PATJ: variants seen among roughly 807,000 people sequenced by gnomAD.
PATJ encodes the protein PATJ crumbs cell polarity complex component, also known as inaD-like protein.
A neutral mutation model predicts 224.9 loss-of-function variants in PATJ; 190 were observed. The ratio of observed to expected loss-of-function variants is 0.84; its 90% CI spans 0.75 to 0.95. The LOEUF (loss-of-function observed/expected upper bound fraction) is 0.95. Among genes scored for constraint, PATJ ranks in the 40% least tolerant of loss-of-function variants. PATJ has a pLI of 0.00. For missense variants in PATJ, 2,121 were observed against 2,270.3 expected, an observed-to-expected ratio of 0.93 and a Z score of 1.34; for synonymous variants, 769 against 820.3, an observed-to-expected ratio of 0.94 and a Z score of 1.07.
At chr1:61,889,899 T>C (rs577347445) in intron 22 of PATJ, among the ~76,000 whole-genome samples, 1 of 152,356 alleles carries the variant, frequency 6.6e-6, no homozygotes, top group South Asian at 2.1e-4. Flanking sequence ...AGGGGACTAC[T>C]GTATCCTTCT....
At chr1:62,132,922 A>G (rs1044502272) in intron 41 of PATJ, among the ~76,000 whole-genome samples, 1 of 152,094 alleles carries the variant, frequency 6.6e-6, no homozygotes, top group Admixed American at 6.6e-5. Context: ...AAAAAAAATT[A>G]CATAAGTAAG....
At position 61,998,004 on chromosome 1, in the gene PATJ, T is replaced by TATATATATA. The variant is rs1342142560; in HGVS notation, c.3867+7640_3867+7641insATATATATA. Among the ~76,000 whole-genome samples, 76 of 104,628 alleles carry TATATATATA rather than the reference T, an allele frequency of 7.3e-4. 4 individuals are homozygous for TATATATATA. The highest frequency in any genetic ancestry group is 3.5e-3 in the African/African-American group (74 of 21,124). The allele number at this position is 104,628 out of a possible 152,430, so 68.6% of individuals were successfully genotyped here. On this transcript the variant is annotated intron_variant, in intron 28 of 43. Transcript: ENST00000642238. ...AGCTTATATATGTATATATAATATA[T>TATATATATA]TATATATATTAATTATATATAATAT...
intron 29 of PATJ, among the ~76,000 whole-genome samples, chr1:62,030,167 C>T (rs1007220386): frequency 2.0e-5 from 3 of 152,054 alleles, no homozygotes; most frequent in African/African-American, 2.4e-5. Context: ...TTAGACTCAG[C>T]GGTGTTTTAA....
chr1:61,902,226 G>A (rs1671278404), intron 24 of PATJ, among the ~76,000 whole-genome samples: 1 of 143,976 alleles, frequency 6.9e-6, no homozygotes, highest in Non-Finnish European at 1.5e-5. Context: ...CTCAAAGCAG[G>A]AAAAAAAAAA....
chr1:61,743,119 C>T (rs1035449714), intron 1 of PATJ, among the ~76,000 whole-genome samples: 1 of 152,304 alleles, frequency 6.6e-6, no homozygotes, highest in Admixed American at 6.5e-5. Flanking sequence ...GGCCCGGCCG[C>T]GTCGCGGCGC....
intron 17 of PATJ, among the ~76,000 whole-genome samples, chr1:61,844,081 T>G (rs1570846120): frequency 6.6e-6 from 1 of 152,188 alleles, no homozygotes; most frequent in Non-Finnish European, 1.5e-5. Flanking sequence ...AAGCATATAT[T>G]ACAACAGAAT....
intron 1 of PATJ, among the ~76,000 whole-genome samples, chr1:61,748,707 AG>A: frequency 6.6e-6 from 1 of 152,266 alleles, no homozygotes; most frequent in East Asian, 1.9e-4. Context: ...TTTAATTATT[AG>A]CTTTTGCAGT....
chr1:61,759,172 T>C (rs1557590821), intron 1 of PATJ, among the ~76,000 whole-genome samples: 1 of 152,230 alleles, frequency 6.6e-6, no homozygotes, highest in African/African-American at 2.4e-5. Context: ...CACAAATTCA[T>C]AAACTTTCTT....
intron 33 of PATJ, among the ~76,000 whole-genome samples, chr1:62,098,584 G>GGATA (rs1661698893): frequency 6.9e-6 from 1 of 145,280 alleles, no homozygotes; most frequent in Admixed American, 7.1e-5. Flanking sequence ...AACGGAGTGA[G>GGATA]ACCGTGTCTC....
chr1:61,797,355 G>A lies in PATJ; in HGVS notation c.1329G>A (p.Gln443=). The change falls in exon 11 of 44, where the codon CAG becomes CAA. Residue 443 remains glutamine (Q), a synonymous_variant. Coordinates refer to ENST00000642238, the MANE Select transcript of PATJ (RefSeq NM_001350145.3). ...DVVEVLRNAG[Q]VVHLTLVRRK... ...TTGAAGTATTACGAAATGCAGGGCA[G>A]GTGGTACACCTAACCCTAGTTCGAA... The A allele has an allele frequency of 6.2e-7, 1 of 1,613,964 alleles. No individual in the cohort carries two copies. The highest frequency in any genetic ancestry group is 2.2e-5 in the East Asian group (1 of 44,878).
intron 17 of PATJ, among the ~76,000 whole-genome samples, chr1:61,854,972 G>A (rs1375061371): frequency 2.6e-5 from 4 of 152,022 alleles, no homozygotes; most frequent in Admixed American, 2.6e-4. Context: ...TGACCTAAGG[G>A]TACTATATCA....
intron 27 of PATJ, among the ~76,000 whole-genome samples, chr1:61,941,104 G>T (rs912435348): frequency 6.6e-6 from 1 of 152,152 alleles, no homozygotes; most frequent in Non-Finnish European, 1.5e-5. Flanking sequence ...ATGCTGTAGG[G>T]TTGACATTTT....
chr1:61,787,946 A>G lies in PATJ; in HGVS notation c.1042A>G (p.Thr348Ala), dbSNP rs746699072. The change falls in exon 8 of 44, where the codon ACT becomes GCT. Residue 348 changes from threonine to alanine, a missense_variant. Transcript: ENST00000642238. ...APAALPVALP[T>A]VASKGPGSDS... ...TGCAGCCTTACCTGTTGCCCTGCCTACTGTAGCCAGCAAGGGCCCTGGTTC... is the reference window on the plus strand; with the variant it reads ...TGCAGCCTTACCTGTTGCCCTGCCTGCTGTAGCCAGCAAGGGCCCTGGTTC... 6.2e-7 allele frequency: 1 copy of G among 1,613,492 alleles called. No individual in the cohort carries two copies. Among genetic ancestry groups the G allele is most frequent in the South Asian group, 1.1e-5 (1 of 91,048 alleles).
chr1:62,042,637 T>C (rs1651731922), intron 30 of PATJ, among the ~76,000 whole-genome samples: 1 of 152,150 alleles, frequency 6.6e-6, no homozygotes, highest in African/African-American at 2.4e-5. Flanking sequence ...GTTCAGCAAA[T>C]GCTTATTGAG....
intron 27 of PATJ, among the ~76,000 whole-genome samples, chr1:61,978,223 TCCTC>T (rs372437146): frequency 0.19 from 19,481 of 101,258 alleles, 2,150 homozygotes; most frequent in Non-Finnish European, 0.26. Flanking sequence ...CTTCCTTCCT[TCCTC>T]CCTCCCTCCC....
chr1:62,133,947 T>C (rs1666536657), intron 41 of PATJ, among the ~76,000 whole-genome samples: 1 of 151,968 alleles, frequency 6.6e-6, no homozygotes, highest in Admixed American at 6.6e-5. Context: ...GGTTTCACCA[T>C]GTTGGCCAGG....
intron 27 of PATJ, chr1:61,952,509 A>G: frequency 1.4e-6 from 1 of 694,788 alleles, no homozygotes; most frequent in Non-Finnish European, 2.7e-6. Flanking sequence ...AGGTTTAGAC[A>G]ATGGTAAGCC....
At chr1:61,923,672 C>T (rs1414327100) in intron 26 of PATJ, among the ~76,000 whole-genome samples, 3 of 151,842 alleles carry the variant, frequency 2.0e-5, no homozygotes, top group African/African-American at 4.8e-5. Flanking sequence ...AATCCCAGCA[C>T]TTTGGGAGGC....
chr1:61,860,417 A>G (rs914472318), intron 18 of PATJ, among the ~76,000 whole-genome samples: 4 of 152,186 alleles, frequency 2.6e-5, no homozygotes, highest in African/African-American at 4.8e-5. Flanking sequence ...AGAACTGACA[A>G]TAAAACTCTT....
Sources: gnomAD v4.1 joint callset for allele counts (sites outside exome capture counted in the v4.1 genomes callset) on GRCh38, gnomAD v4.1.1 for gene constraint, MANE v1.5 for transcripts, NCBI Gene and HGNC (gene_info 2026-07-23, HGNC 2026-07-21) for gene names.